BANP: variants seen among roughly 807,000 people sequenced by gnomAD.
BANP encodes the protein protein BANP.
A neutral mutation model predicts 68.1 loss-of-function variants in BANP; 11 were observed. That is an observed-to-expected ratio of 0.16 (90% confidence interval 0.10 to 0.27). The LOEUF (loss-of-function observed/expected upper bound fraction) is 0.27. BANP is among the 10% of genes least tolerant of loss of function. BANP has a pLI of 1.00. For missense variants in BANP, 504 were observed against 722.7 expected (o/e 0.70, Z 3.47); for synonymous variants, 329 against 303.2 (o/e 1.09, Z -0.88).
At chr16:87,971,392 C>G (rs1046226912) in intron 1 of BANP, among the ~76,000 whole-genome samples, 29 of 152,174 alleles carry the variant, frequency 1.9e-4, no homozygotes, top group African/African-American at 6.8e-4. Flanking sequence ...TTTGGGAATA[C>G]TGTTCTCTGA....
intron 1 of BANP, among the ~76,000 whole-genome samples, chr16:87,972,667 G>C (rs1485304263): frequency 2.0e-5 from 3 of 152,072 alleles, no homozygotes; most frequent in African/African-American, 7.2e-5. Context: ...TTCCTGTGTT[G>C]TTTATAGGAA....
chr16:88,029,721 C>T (rs57814059), intron 8 of BANP, among the ~76,000 whole-genome samples: 185 of 152,158 alleles, frequency 1.2e-3, no homozygotes, highest in African/African-American at 4.3e-3. Context: ...GTCTGTGAAT[C>T]GGCTGTCCTA....
At chr16:87,969,835 T>C (rs897017834) in intron 1 of BANP, among the ~76,000 whole-genome samples, 2 of 152,052 alleles carry the variant, frequency 1.3e-5, no homozygotes, top group African/African-American at 4.8e-5. Flanking sequence ...CTGGCCTGAC[T>C]ATCTTTACAT....
chr16:88,022,101 G>A (rs1010868949), intron 7 of BANP, among the ~76,000 whole-genome samples: 1 of 152,196 alleles, frequency 6.6e-6, no homozygotes, highest in African/African-American at 2.4e-5. Flanking sequence ...TGTGTTTTAT[G>A]CAAAAGTAGC....
At position 87,951,590 on chromosome 16, in the gene BANP, C is replaced by T. The variant is rs1217687339; in HGVS notation, c.-69+75C>T. The T allele has an allele frequency of 1.1e-4, 16 of 151,014 alleles. No homozygotes were observed. In the Admixed American group the frequency reaches 1.1e-3, roughly 10 times the overall value. The allele number at this position is 151,014 out of a possible 1,614,324, so 9.4% of individuals were successfully genotyped here. Reference sequence around the variant, plus strand: ...GGGGCGAGAGCGAGAGCGAGATCTCCCTCCTCCCTCCTCCTCCCGCCCGCC... The same window carrying T: ...GGGGCGAGAGCGAGAGCGAGATCTCTCTCCTCCCTCCTCCTCCCGCCCGCC... On this transcript the variant is annotated intron_variant, in intron 1 of 13. Transcript: ENST00000682872.
chr16:88,046,555 A>T (rs1428905005), intron 11 of BANP, among the ~76,000 whole-genome samples: 3 of 151,464 alleles, frequency 2.0e-5, no homozygotes, highest in Admixed American at 1.3e-4. Flanking sequence ...TTTAATTTTT[A>T]TTTTTTTTGA....
In BANP at chr16:88,018,125, C is replaced by A. The variant is rs1461666693; in HGVS notation, c.656-303C>A. ...GCAAGGATATCGGTATTGCTGGGGTCCCGGGTCCAGGGTGAGCAGAGTGTG... is the reference window on the plus strand; with the variant it reads ...GCAAGGATATCGGTATTGCTGGGGTACCGGGTCCAGGGTGAGCAGAGTGTG... On this transcript the variant is annotated intron_variant, in intron 6 of 13. Transcript: ENST00000682872. This position sits in a 1 kb window ranked among gnomAD's most constrained non-coding sequence, Gnocchi z 7.7. 6.6e-6 allele frequency among the ~76,000 whole-genome samples: 1 copy of A among 151,962 alleles called. No individual in the cohort carries two copies. The highest frequency in any genetic ancestry group is 1.5e-5 in the Non-Finnish European group (1 of 67,990).
chr16:87,981,213 T>A, intron 3 of BANP, 86 bp downstream of exon 3: 7 of 995,104 alleles, frequency 7.0e-6, no homozygotes, highest in African/African-American at 1.6e-5. Flanking sequence ...TGGGATGGCT[T>A]CAAAATGTAG....
rs1468936219 is a variant in BANP at position 88,018,951 on chromosome 16, C to T, written c.895+284C>T. ...AGGTGAAAAACTCCTCGCCTCCTGT[C>T]TGTAGGCCACTCTTGAGGAAGAGAG... On this transcript the variant is annotated intron_variant, in intron 7 of 13. Coordinates refer to ENST00000682872, the MANE Select transcript of BANP (RefSeq NM_001386991.1). This position sits in a 1 kb window ranked among gnomAD's most constrained non-coding sequence, Gnocchi z 7.7. Among the ~76,000 whole-genome samples, 2 of 152,238 alleles carry T rather than the reference C, an allele frequency of 1.3e-5. No homozygotes were observed. The highest frequency in any genetic ancestry group is 1.3e-4 in the Admixed American group (2 of 15,292).
At position 88,003,083 on chromosome 16, in the gene BANP, C is replaced by T. The variant is rs1253316178; in HGVS notation, c.363-1212C>T. 1.3e-5 allele frequency among the ~76,000 whole-genome samples: 2 copies of T among 152,212 alleles called. No individual in the cohort carries two copies. The highest frequency in any genetic ancestry group is 2.9e-5 in the Non-Finnish European group (2 of 68,038). ...CTGAGGAGCATAGGACTGTCACAGCCTGTAGGTGACTGTGGTGACCAAGCC... is the reference window on the plus strand; with the variant it reads ...CTGAGGAGCATAGGACTGTCACAGCTTGTAGGTGACTGTGGTGACCAAGCC... On this transcript the variant is annotated intron_variant, in intron 4 of 13. Transcript: ENST00000682872. This position sits in a 1 kb window ranked among gnomAD's most constrained non-coding sequence, Gnocchi z 6.1.
chr16:88,050,046 A>G (rs539868162), intron 11 of BANP, among the ~76,000 whole-genome samples: 43 of 152,328 alleles, frequency 2.8e-4, no homozygotes, highest in African/African-American at 1.0e-3. Flanking sequence ...TGAGCTTCTC[A>G]GTCACGTTCA....
At chr16:87,983,520 G>C (rs1249853974) in intron 3 of BANP, among the ~76,000 whole-genome samples, 1 of 152,168 alleles carries the variant, frequency 6.6e-6, no homozygotes, top group African/African-American at 2.4e-5. Flanking sequence ...GGTCAGACGT[G>C]GAGCCCGGCT....
At chr16:88,049,854 G>A (rs1221174936) in intron 11 of BANP, among the ~76,000 whole-genome samples, 1 of 152,222 alleles carries the variant, frequency 6.6e-6, no homozygotes, top group African/African-American at 2.4e-5. Context: ...ATGCGTTTCA[G>A]TGTGCCAGAA....
chr16:88,005,697 C>G (rs949896143), intron 5 of BANP, among the ~76,000 whole-genome samples: 2 of 152,204 alleles, frequency 1.3e-5, no homozygotes, highest in Non-Finnish European at 2.9e-5. Flanking sequence ...CAGCGTGGAT[C>G]GAATTGACCC....
At chr16:88,019,144 A>G (rs1455562311) in intron 7 of BANP, among the ~76,000 whole-genome samples, 1 of 152,164 alleles carries the variant, frequency 6.6e-6, no homozygotes, top group Non-Finnish European at 1.5e-5. Context: ...GATGGGAGCC[A>G]GGAGAGCTCC....
intron 13 of BANP, among the ~76,000 whole-genome samples, chr16:88,076,367 T>TC (rs2091615334): frequency 8.2e-6 from 1 of 121,880 alleles, no homozygotes; most frequent in Non-Finnish European, 1.8e-5. Flanking sequence ...GGGGCCTGGG[T>TC]GTGCCGGAGC....
intron 4 of BANP, among the ~76,000 whole-genome samples, chr16:87,995,047 C>G (rs1009253479): frequency 1.3e-5 from 2 of 151,980 alleles, no homozygotes; most frequent in East Asian, 3.8e-4. Flanking sequence ...TGGGGGTCCT[C>G]AGTCTGGGAA....
At chr16:88,049,609 A>G (rs2082783493) in intron 11 of BANP, among the ~76,000 whole-genome samples, 2 of 152,212 alleles carry the variant, frequency 1.3e-5, no homozygotes, top group African/African-American at 4.8e-5. Flanking sequence ...CCTGAGGTCC[A>G]CACACCTGGC....
At chr16:88,055,182 T>C (rs2084680989) in intron 11 of BANP, among the ~76,000 whole-genome samples, 1 of 152,112 alleles carries the variant, frequency 6.6e-6, no homozygotes, top group Admixed American at 6.5e-5. Context: ...ACAAAGCTTA[T>C]ATATGTTTAT....
Sources: gnomAD v4.1 joint callset for allele counts (sites outside exome capture counted in the v4.1 genomes callset) on GRCh38, gnomAD v4.1.1 for gene constraint, Gnocchi (gnomAD v3.1) non-coding constraint, MANE v1.5 for transcripts, NCBI Gene and HGNC (gene_info 2026-07-23, HGNC 2026-07-21) for gene names.